Variants in DYRK4 observed in about 807,000 individuals in gnomAD.
The protein encoded by DYRK4 is dual specificity tyrosine phosphorylation regulated kinase 4.
In DYRK4, 64 loss-of-function variants were observed where a neutral mutation model predicts 68.3. The observed-to-expected ratio is 0.94, with a 90% CI of 0.77 to 1.15. DYRK4 has a LOEUF of 1.15. DYRK4 is among the 50% of genes most tolerant of loss of function. The pLI is 0.00. For synonymous variants in DYRK4, 274 were observed against 289.9 expected (o/e 0.95, Z 0.56); for missense variants, 740 against 764.7 (o/e 0.97, Z 0.38).
Position 4,610,275 on chromosome 12 carries a change from G to A in DYRK4, c.1481G>A (p.Arg494Lys), listed in dbSNP as rs1317686040. ...ACCAGCTTCCTGGACTTTCTCAGAA[G>A]GTGTTTGGTGTGAGTTTGTTGGGAC... ...YDTSFLDFLR[R>K]CLVWEPSLRM... is the part of the protein sequence containing the mutation. The change falls in exon 13 of 15, where the codon AGG becomes AAG. Residue 494 changes from arginine (R) to lysine (K), a missense_variant. This residue lies in a region of DYRK4 where 614 missense variants were observed against 603.7 expected (regional missense o/e 1.02). Coordinates refer to ENST00000543431, the MANE Select transcript of DYRK4 (RefSeq NM_001394779.1). 1 of 1,566,630 alleles carries A rather than the reference G, an allele frequency of 6.4e-7. No homozygotes were observed. Among genetic ancestry groups the A allele is most frequent in the Admixed American group, 2.0e-5 (1 of 49,460 alleles).
chr12:4,596,417 G>A lies in DYRK4; in HGVS notation c.764+132G>A, dbSNP rs188381956. 347 of 1,520,538 alleles carry A rather than the reference G, an allele frequency of 2.3e-4. No homozygotes were observed. The highest frequency in any genetic ancestry group is 3.9e-4 in the Admixed American group (18 of 46,192). 94.2% of individuals were successfully genotyped at this position (1,520,538 alleles called of 1,614,324 possible). A position where few individuals can be genotyped will look rare whatever the true frequency, so the allele number is the denominator to read the frequency against. On this transcript the variant is annotated intron_variant, in intron 7 of 14. Coordinates refer to ENST00000543431, the MANE Select transcript of DYRK4 (RefSeq NM_001394779.1). ...TGTCTTCCCTTTTCTCTTTCTACCC[G>A]TCTGATTCCATGAGGGGGCAAAGAG... is the stretch of plus-strand genomic sequence containing the variant.
chr12:4,595,744 C>T (rs1373840157), intron 6 of DYRK4, among the ~76,000 whole-genome samples: 1 of 152,204 alleles, frequency 6.6e-6, no homozygotes, highest in Non-Finnish European at 1.5e-5. Context: ...AACTTCAAGA[C>T]TCATAAAATG....
In DYRK4 at chr12:4,613,063, C is replaced by T. The variant is rs1945244457; in HGVS notation, c.1666+345C>T. On this transcript the variant is annotated intron_variant, in intron 14 of 14. Transcript: ENST00000543431. This position sits in a 1 kb window ranked among gnomAD's most constrained non-coding sequence, Gnocchi z 4.0. ...TTCTCCTATAATCAATTTCCTTTCT[C>T]CTCCTCCCTTTTTCATTAACTGCGT... Among the ~76,000 whole-genome samples, 1 of 152,276 alleles carries T rather than the reference C, an allele frequency of 6.6e-6. No homozygotes were observed. The highest frequency in any genetic ancestry group is 1.9e-4 in the East Asian group (1 of 5,188).
At chr12:4,569,183 G>A (rs772712117) in intron 2 of DYRK4, among the ~76,000 whole-genome samples, 10 of 152,050 alleles carry the variant, frequency 6.6e-5, no homozygotes, top group Non-Finnish European at 7.3e-5. Flanking sequence ...CCCACTACCC[G>A]TGCCACTACC....
chr12:4,602,508 G>T (rs1484642626), intron 10 of DYRK4: 3 of 1,310,014 alleles, frequency 2.3e-6, no homozygotes, highest in East Asian at 2.3e-5. Context: ...CAAGTCTTGC[G>T]GTTGAGTGGT....
rs750043434 is a variant in DYRK4 at position 4,599,089 on chromosome 12, C to G, written c.967C>G (p.Arg323Gly). Residue 323 changes from arginine (R) to glycine (G), a missense_variant, in exon 9 of 15, where the codon CGG becomes GGG. This residue lies in a region of DYRK4 where 614 missense variants were observed against 603.7 expected (regional missense o/e 1.02). Coordinates refer to ENST00000543431, the MANE Select transcript of DYRK4 (RefSeq NM_001394779.1). ...NFQGFSLSIV[R>G]RFTLSVLKCL... Reference sequence around the variant, plus strand: ...TCAAGGCTTCAGTCTGTCCATAGTTCGGCGCTTCACTCTCTCTGTTTTGAA... The same window carrying G: ...TCAAGGCTTCAGTCTGTCCATAGTTGGGCGCTTCACTCTCTCTGTTTTGAA... 4.3e-6 allele frequency: 7 copies of G among 1,613,958 alleles called. No individual in the cohort carries two copies. In the South Asian group the frequency reaches 6.6e-5, roughly 15 times the overall value.
chr12:4,591,288 G>C lies in DYRK4; in HGVS notation c.453G>C (p.Leu151=). 6.2e-7 allele frequency: 1 copy of C among 1,614,032 alleles called. No individual in the cohort carries two copies. The change falls in exon 5 of 15, where the codon CTG becomes CTC. Residue 151 remains leucine, a synonymous_variant. Coordinates refer to ENST00000543431, the MANE Select transcript of DYRK4 (RefSeq NM_001394779.1). The surrounding 1 kb of genome is among the most constrained non-coding windows in gnomAD (Gnocchi z 4.1). ...EKSPKKQKVT[L]TAAEALKLFK... Reference sequence around the variant, plus strand: ...CACCAAAGAAGCAAAAGGTGACTCTGACAGCGGCAGGTATGCCTTTGGGGC... The same window carrying C: ...CACCAAAGAAGCAAAAGGTGACTCTCACAGCGGCAGGTATGCCTTTGGGGC...
intron 14 of DYRK4, 41 bp downstream of exon 14, chr12:4,612,759 G>T: frequency 6.3e-7 from 1 of 1,599,578 alleles, no homozygotes. Context: ...CCACAGTCCG[G>T]GAATTAATAT....
chr12:4,605,072 G>A lies in DYRK4; in HGVS notation c.1285G>A (p.Ala429Thr). Residue 429 changes from alanine (A) to threonine (T), a missense_variant, in exon 11 of 15, where the codon GCC becomes ACC. Ala to Thr is a moderately conservative substitution (Grantham distance 58). Coordinates refer to ENST00000543431, the MANE Select transcript of DYRK4 (RefSeq NM_001394779.1). ...FPGENEVEQL[A>T]CIMEVLGLPP... ...CGGGGAGAATGAGGTGGAGCAGCTG[G>A]CCTGCATCATGGAGGTACGCGGAGG... 1.2e-6 allele frequency: 2 copies of A among 1,613,000 alleles called. No individual in the cohort carries two copies. The highest frequency in any genetic ancestry group is 1.7e-4 in the Middle Eastern group (1 of 6,052).
chr12:4,584,511 G>A (rs1226602979), intron 2 of DYRK4, among the ~76,000 whole-genome samples: 1 of 149,370 alleles, frequency 6.7e-6, no homozygotes, highest in Non-Finnish European at 1.5e-5. Flanking sequence ...GGCAGGGTGA[G>A]TAAACTGGTT....
chr12:4,583,823 C>T (rs2137347958), intron 2 of DYRK4, among the ~76,000 whole-genome samples: 1 of 152,292 alleles, frequency 6.6e-6, no homozygotes, highest in Non-Finnish European at 1.5e-5. Flanking sequence ...TAGTGAAATT[C>T]TACTCCCTCC....
chr12:4,609,572 C>T (rs1457814296), intron 12 of DYRK4, among the ~76,000 whole-genome samples: 1 of 151,826 alleles, frequency 6.6e-6, no homozygotes, highest in Non-Finnish European at 1.5e-5. Flanking sequence ...CTTAGGTGGC[C>T]CAGGTGGCTC....
At chr12:4,592,955 C>G in intron 5 of DYRK4, 47 bp from the exon 6 acceptor site, 1 of 1,588,214 alleles carries the variant, frequency 6.3e-7, no homozygotes, top group South Asian at 1.1e-5. Context: ...CGGGGCAAAT[C>G]CCATGCTGCC....
In DYRK4 at chr12:4,588,945, T is replaced by G; in HGVS notation, c.141T>G (p.Ser47Arg). The change falls in exon 3 of 15, where the codon AGT (serine) becomes AGG (arginine). Residue 47 changes from serine (S) to arginine (R), a missense_variant. This residue lies in a region of DYRK4 where 70 missense variants were observed against 71.1 expected (regional missense o/e 0.98). Coordinates refer to ENST00000543431, the MANE Select transcript of DYRK4 (RefSeq NM_001394779.1). ...TCTTCCACTTGATCCAGGTTGGAAGTAAACTTTCGGTTCAGATCCAGAAGC... is the reference window on the plus strand; with the variant it reads ...TCTTCCACTTGATCCAGGTTGGAAGGAAACTTTCGGTTCAGATCCAGAAGC... ...KQKFTSAKVG[S>R]KLSVQIQKPP... 4 of 1,536,104 alleles carry G rather than the reference T, an allele frequency of 2.6e-6. No individual in the cohort carries two copies. The highest frequency in any genetic ancestry group is 3.5e-6 in the Non-Finnish European group (4 of 1,146,886).
At chr12:4,576,958 C>G (rs1411813782) in intron 2 of DYRK4, among the ~76,000 whole-genome samples, 4 of 152,128 alleles carry the variant, frequency 2.6e-5, no homozygotes, top group African/African-American at 9.7e-5. Flanking sequence ...TATGGTTTCT[C>G]TTTTCGTTTT....
Position 4,565,072 on chromosome 12 carries a change from C to T in DYRK4, c.38+2789C>T, listed in dbSNP as rs80042373. Among the ~76,000 whole-genome samples the T allele has an allele frequency of 8.5e-5, 13 of 152,330 alleles. No homozygotes were observed. In the East Asian group the frequency reaches 2.3e-3, roughly 27 times the overall value. On this transcript the variant is annotated intron_variant, in intron 1 of 14. Transcript: ENST00000543431. ...TTCAGTTCTCAAAGGAACATTCACTCTAGCTCTGAGCTGAGTTTATTAGTT... is the reference window on the plus strand; with the variant it reads ...TTCAGTTCTCAAAGGAACATTCACTTTAGCTCTGAGCTGAGTTTATTAGTT...
chr12:4,569,825 G>C (rs1315937461), intron 2 of DYRK4, among the ~76,000 whole-genome samples: 1 of 151,964 alleles, frequency 6.6e-6, no homozygotes, highest in Non-Finnish European at 1.5e-5. Flanking sequence ...TCTGTTAAGG[G>C]TTGTTCCGTA....
chr12:4,572,584 C>T (rs982565168), intron 2 of DYRK4, among the ~76,000 whole-genome samples: 1 of 152,174 alleles, frequency 6.6e-6, no homozygotes, highest in Non-Finnish European at 1.5e-5. Context: ...CGTGAGCCAC[C>T]GTGCCTGGCC....
chr12:4,610,106 A>G (rs1945201143), intron 12 of DYRK4, 49 bp from the exon 13 acceptor site: 1 of 1,520,676 alleles, frequency 6.6e-7, no homozygotes, highest in Admixed American at 2.2e-5. Flanking sequence ...TCATGTGACC[A>G]CTAAAGATTT....
Sources: gnomAD v4.1 joint callset for allele counts (sites outside exome capture counted in the v4.1 genomes callset) on GRCh38, gnomAD v4.1.1 for gene constraint, gnomAD v4.1.1 regional missense constraint, Gnocchi (gnomAD v3.1) non-coding constraint, MANE v1.5 for transcripts, NCBI Gene and HGNC (gene_info 2026-07-23, HGNC 2026-07-21) for gene names.